GFM1: variants seen among roughly 807,000 people sequenced by gnomAD.
GFM1 encodes G elongation factor mitochondrial 1.
In GFM1, 62 loss-of-function variants were observed where a neutral mutation model predicts 96.2. The ratio of observed to expected loss-of-function variants is 0.64; its 90% CI spans 0.53 to 0.80. GFM1 has a LOEUF of 0.80. Ranked by LOEUF, GFM1 falls within the 30% of genes least tolerant of loss-of-function variation. GFM1 has a pLI of 0.00. For missense variants in GFM1, 852 were observed against 916.6 expected (o/e 0.93, Z 0.91); for synonymous variants, 282 against 312.9 (o/e 0.90, Z 1.04).
chr3:158,672,699 C>T, intron 13 of GFM1: 1 of 469,274 alleles, frequency 2.1e-6, no homozygotes, highest in South Asian at 2.3e-5. Flanking sequence ...CTTCTGAGGC[C>T]CCGCCCCACT....
chr3:158,690,860 A>C (rs1726252727), intron 16 of GFM1, among the ~76,000 whole-genome samples: 1 of 152,204 alleles, frequency 6.6e-6, no homozygotes, highest in African/African-American at 2.4e-5. Flanking sequence ...GGGGCTACAG[A>C]GCGGAGTGGG....
chr3:158,662,883 G>A (rs535004787), intron 11 of GFM1, among the ~76,000 whole-genome samples, 199 bp downstream of exon 11: 2 of 152,212 alleles, frequency 1.3e-5, no homozygotes, highest in East Asian at 3.9e-4. Context: ...AGAAATGGAT[G>A]GTATTAAAAT....
intron 13 of GFM1, chr3:158,668,974 G>GT: frequency 6.4e-7 from 1 of 1,568,924 alleles, no homozygotes; most frequent in Non-Finnish European, 8.7e-7. Flanking sequence ...CATTAATAGT[G>GT]TATTTTATAG....
chr3:158,673,493 TTTTTC>T (rs200646996), intron 13 of GFM1, among the ~76,000 whole-genome samples: 1,957 of 139,064 alleles, frequency 0.014, 14 homozygotes, highest in Non-Finnish European at 0.023. Context: ...TTGAGACCTT[TTTTTC>T]TTTTCTTTTC....
rs994981360 is a variant in GFM1, at chr3:158,691,675, T to C, written c.*208T>C. On this transcript the variant is annotated 3_prime_UTR_variant, in exon 18 of 18. Coordinates refer to ENST00000486715, the MANE Select transcript of GFM1 (RefSeq NM_024996.7). ...TAATTCTATGTCTATCTCAACTCTA[T>C]TGATTGGTTTTATAGTTCATTGAAA... is the stretch of plus-strand genomic sequence containing the variant. 1 of 498,030 alleles carries C rather than the reference T, an allele frequency of 2.0e-6. No individual in the cohort carries two copies. The allele number at this position is 498,030 out of a possible 1,614,324, so 30.9% of individuals were successfully genotyped here.
intron 15 of GFM1, among the ~76,000 whole-genome samples, chr3:158,689,447 C>T (rs1271567022): frequency 2.6e-5 from 4 of 152,088 alleles, no homozygotes; most frequent in Admixed American, 6.6e-5. Flanking sequence ...AGATCGTAGG[C>T]GTGGCTTGAT....
chr3:158,649,755 C>T (rs1404641963), intron 5 of GFM1: 2 of 463,708 alleles, frequency 4.3e-6, no homozygotes, highest in Admixed American at 6.6e-5. Context: ...GTTATCAAAC[C>T]TTAGCGTTGT....
At chr3:158,653,578 A>G in intron 7 of GFM1, 111 bp downstream of exon 7, 1 of 818,282 alleles carries the variant, frequency 1.2e-6, no homozygotes, top group Non-Finnish European at 2.0e-6. Context: ...TTTTTTCATA[A>G]TTTACAATCA....
intron 13 of GFM1, among the ~76,000 whole-genome samples, chr3:158,678,306 T>A (rs1725072434): frequency 6.6e-6 from 1 of 152,206 alleles, no homozygotes; most frequent in Non-Finnish European, 1.5e-5. Flanking sequence ...ATACATTTTG[T>A]AAGGCGATCG....
chr3:158,681,393 G>A (rs529910368), intron 13 of GFM1, among the ~76,000 whole-genome samples: 1 of 152,282 alleles, frequency 6.6e-6, no homozygotes, highest in Non-Finnish European at 1.5e-5. Context: ...GTTGCCATTA[G>A]TGGTTTGAAG....
chr3:158,653,236 A>G (rs2108019607), intron 6 of GFM1, 74 bp from the exon 7 acceptor site: 4 of 1,205,638 alleles, frequency 3.3e-6, no homozygotes, highest in Admixed American at 3.9e-5. Flanking sequence ...CATTTTATTC[A>G]TTTGTTTGTA....
rs774976760 is a variant in GFM1, at chr3:158,665,339, C to G, written c.1383C>G (p.Asn461Lys). The G allele has an allele frequency of 6.2e-7, 1 of 1,606,716 alleles. No individual in the cohort carries two copies. The highest frequency in any genetic ancestry group is 2.2e-5 in the East Asian group (1 of 44,724). ...GTGACTTTCTTCTTCTTTTAAAGAACGATCTGGAAAAATTTTCAAAAGGTA... is the reference window on the plus strand; with the variant it reads ...GTGACTTTCTTCTTCTTTTAAAGAAGGATCTGGAAAAATTTTCAAAAGGTA... ...ISIAMKPSNK[N>K]DLEKFSKGIG... The change falls in exon 12 of 18, where the codon AAC (asparagine) becomes AAG (lysine). Residue 461 changes from asparagine (N) to lysine (K), a missense_variant and splice_region_variant. Physicochemically the swap from Asn to Lys is moderately conservative, Grantham distance 94 (BLOSUM62 0). Coordinates refer to ENST00000486715, the MANE Select transcript of GFM1 (RefSeq NM_024996.7).
At chr3:158,649,245 C>CT in intron 5 of GFM1, 88 bp downstream of exon 5, 3 of 697,510 alleles carry the variant, frequency 4.3e-6, no homozygotes, top group Non-Finnish European at 7.8e-6. Flanking sequence ...CGCAGAGTAA[C>CT]TATCTTTTTG....
Position 158,644,527 on chromosome 3 carries a change from G to A in GFM1, c.-108G>A. 1 of 821,352 alleles carries A rather than the reference G, an allele frequency of 1.2e-6. No homozygotes were observed. The highest frequency in any genetic ancestry group is 2.0e-6 in the Non-Finnish European group (1 of 492,766). 50.9% of individuals were successfully genotyped at this position (821,352 alleles called of 1,614,324 possible). On this transcript the variant is annotated 5_prime_UTR_variant, in exon 1 of 18. Transcript: ENST00000486715. Reference sequence around the variant, plus strand: ...TCCTCGCGTCCTTTGCCCCGGAAGTGCTCTTACAACATTGGCTGCCGGCGT... The same window carrying A: ...TCCTCGCGTCCTTTGCCCCGGAAGTACTCTTACAACATTGGCTGCCGGCGT...
intron 9 of GFM1, among the ~76,000 whole-genome samples, chr3:158,659,451 A>G (rs1395908130): frequency 1.3e-5 from 2 of 152,188 alleles, no homozygotes; most frequent in East Asian, 3.9e-4. Context: ...AGTTTTCCAC[A>G]TTGTTTTATT....
intron 4 of GFM1, 122 bp from the exon 5 acceptor site, chr3:158,648,919 G>C: frequency 1.4e-6 from 1 of 695,898 alleles, no homozygotes; most frequent in Non-Finnish European, 2.7e-6. Flanking sequence ...GTTCTGACCT[G>C]ATGGTAACAC....
chr3:158,670,517 T>C (rs1241012421), intron 13 of GFM1, among the ~76,000 whole-genome samples: 2 of 152,178 alleles, frequency 1.3e-5, no homozygotes, highest in Non-Finnish European at 2.9e-5. Context: ...TTGGTAGAAA[T>C]AATTCATATA....
intron 13 of GFM1, among the ~76,000 whole-genome samples, chr3:158,678,861 A>G (rs1180779750): frequency 6.6e-6 from 1 of 152,258 alleles, no homozygotes; most frequent in Admixed American, 6.5e-5. Flanking sequence ...GGCCAACTTC[A>G]TTGTTGTCTT....
intron 9 of GFM1, 118 bp from the exon 10 acceptor site, chr3:158,660,754 CAG>C (rs2108039827): frequency 3.7e-6 from 3 of 807,012 alleles, no homozygotes; most frequent in East Asian, 2.5e-5. Context: ...AGAATTCAAG[CAG>C]AGAGATTCTG....
Sources: allele counts gnomAD v4.1 joint callset (sites outside exome capture counted in the v4.1 genomes callset), GRCh38; gene constraint gnomAD v4.1.1; transcripts MANE v1.5; gene names NCBI Gene and HGNC (gene_info 2026-07-23, HGNC 2026-07-21).